MSRB3: variants seen among roughly 807,000 people sequenced by gnomAD.
MSRB3 encodes methionine-R-sulfoxide reductase B3.
MSRB3 carries 13 observed loss-of-function variants against 21.0 expected under a neutral mutation model. The ratio of observed to expected loss-of-function variants is 0.62; its 90% CI spans 0.40 to 0.98. The LOEUF (loss-of-function observed/expected upper bound fraction) is 0.98, where lower values mean the gene tolerates loss of function less well. MSRB3 is among the 50% of genes least tolerant of loss of function. The pLI is 0.00. For missense variants in MSRB3, 199 were observed against 230.3 expected (o/e 0.86, Z 0.88); for synonymous variants, 87 against 88.6 (o/e 0.98, Z 0.10).
intron 4 of MSRB3, among the ~76,000 whole-genome samples, chr12:65,338,620 G>A (rs1209531010): frequency 6.6e-6 from 1 of 152,016 alleles, no homozygotes; most frequent in African/African-American, 2.4e-5. Flanking sequence ...ATTCATAGTC[G>A]AGCCTTTTTA....
At chr12:65,448,190 G>T (rs770576836) in intron 5 of MSRB3, among the ~76,000 whole-genome samples, 2 of 152,104 alleles carry the variant, frequency 1.3e-5, no homozygotes, top group African/African-American at 2.4e-5. Context: ...TTACAGAGTG[G>T]GGAGCTGAAT....
intron 4 of MSRB3, among the ~76,000 whole-genome samples, chr12:65,367,278 A>G (rs1878065539): frequency 6.6e-6 from 1 of 152,232 alleles, no homozygotes; most frequent in Non-Finnish European, 1.5e-5. Flanking sequence ...TTTAAAAACA[A>G]TTCTGGAGCA....
chr12:65,448,579 G>A (rs1317850641), intron 5 of MSRB3, among the ~76,000 whole-genome samples: 1 of 152,142 alleles, frequency 6.6e-6, no homozygotes, highest in Non-Finnish European at 1.5e-5. Flanking sequence ...AAATCTTGGT[G>A]GAAATGTTCC....
At chr12:65,346,900 A>T (rs919561879) in intron 4 of MSRB3, among the ~76,000 whole-genome samples, 1 of 152,050 alleles carries the variant, frequency 6.6e-6, no homozygotes, top group Non-Finnish European at 1.5e-5. Flanking sequence ...AGCTGTAGAT[A>T]TGCAGCATTA....
chr12:65,320,693 C>G (rs1874607282), intron 2 of MSRB3, among the ~76,000 whole-genome samples: 1 of 152,144 alleles, frequency 6.6e-6, no homozygotes, highest in Non-Finnish European at 1.5e-5. Context: ...TTTCCGAGAG[C>G]TATTTTGAGG....
chr12:65,288,806 T>C (rs1472204779), intron 1 of MSRB3, among the ~76,000 whole-genome samples: 2 of 152,260 alleles, frequency 1.3e-5, no homozygotes, highest in Middle Eastern at 3.4e-3. Context: ...TAATCTGGTC[T>C]TATTTTTAAA....
At chr12:65,410,019 T>A (rs569527604) in intron 5 of MSRB3, among the ~76,000 whole-genome samples, 35 of 152,306 alleles carry the variant, frequency 2.3e-4, no homozygotes, top group African/African-American at 7.5e-4. Flanking sequence ...TATTGAATAT[T>A]TTCATTCTTT....
At chr12:65,454,229 A>G (rs963424774) in intron 6 of MSRB3, 11 of 393,924 alleles carry the variant, frequency 2.8e-5, no homozygotes, top group Non-Finnish European at 1.4e-5. Context: ...TCGAGGCTGC[A>G]GTGAGCTGTG....
chr12:65,454,370 C>A (rs1882998403), intron 6 of MSRB3: 1 of 152,006 alleles, frequency 6.6e-6, no homozygotes, highest in African/African-American at 2.4e-5. Flanking sequence ...TAAACAAAAT[C>A]ATTGGTAGGA....
intron 4 of MSRB3, among the ~76,000 whole-genome samples, chr12:65,363,358 C>T (rs1336619930): frequency 1.3e-5 from 2 of 152,190 alleles, no homozygotes; most frequent in Admixed American, 1.3e-4. Context: ...CTGGGCTATT[C>T]TCTGCAAGGA....
At chr12:65,422,945 G>A (rs1881396226) in intron 5 of MSRB3, among the ~76,000 whole-genome samples, 1 of 147,226 alleles carries the variant, frequency 6.8e-6, no homozygotes, top group Non-Finnish European at 1.5e-5. Context: ...GTTTTTGGTG[G>A]CATCTTTAGG....
chr12:65,391,882 T>A (rs1879502388), intron 5 of MSRB3, among the ~76,000 whole-genome samples: 1 of 151,552 alleles, frequency 6.6e-6, no homozygotes, highest in Non-Finnish European at 1.5e-5. Flanking sequence ...AATGGGAGAG[T>A]GTCCCAGGAA....
chr12:65,360,652 G>A (rs1249749045), intron 4 of MSRB3, among the ~76,000 whole-genome samples: 1 of 151,986 alleles, frequency 6.6e-6, no homozygotes, highest in Non-Finnish European at 1.5e-5. Context: ...AAAAAAGTAG[G>A]TAATTTACCT....
Position 65,369,306 on chromosome 12 carries a change from A to G in MSRB3, c.292+280A>G, listed in dbSNP as rs566288525. Reference sequence around the variant, plus strand: ...TGGGGGTTATACATACTAATTGCTCAAAGTAGATTATTATTTTCTCAGTGG... The same window carrying G: ...TGGGGGTTATACATACTAATTGCTCGAAGTAGATTATTATTTTCTCAGTGG... On this transcript the variant is annotated intron_variant, in intron 5 of 6. Transcript: ENST00000308259. 2.6e-5 allele frequency among the ~76,000 whole-genome samples: 4 copies of G among 152,276 alleles called. No individual in the cohort carries two copies. In the East Asian group the frequency reaches 5.8e-4, roughly 22 times the overall value.
intron 4 of MSRB3, among the ~76,000 whole-genome samples, chr12:65,351,721 G>T (rs1877009409): frequency 6.6e-6 from 1 of 150,664 alleles, no homozygotes; most frequent in Non-Finnish European, 1.5e-5. Flanking sequence ...AGAAGAAATG[G>T]ATAAATTCCT....
At chr12:65,447,656 G>A (rs915621199) in intron 5 of MSRB3, among the ~76,000 whole-genome samples, 2 of 152,170 alleles carry the variant, frequency 1.3e-5, no homozygotes, top group Non-Finnish European at 2.9e-5. Context: ...GTGAGTAATT[G>A]TCTTTGGAGT....
At chr12:65,462,856 G>C (rs1424343173) in intron 6 of MSRB3, among the ~76,000 whole-genome samples, 1 of 152,202 alleles carries the variant, frequency 6.6e-6, no homozygotes, top group African/African-American at 2.4e-5. Flanking sequence ...GGGTCAACTT[G>C]ATTCATAAAA....
intron 1 of MSRB3, among the ~76,000 whole-genome samples, chr12:65,305,425 A>T (rs142403507): frequency 6.8e-4 from 103 of 152,282 alleles, no homozygotes; most frequent in African/African-American, 2.4e-3. Flanking sequence ...GGAAACATGG[A>T]ATCAGAGTAT....
At chr12:65,279,197 G>A in intron 1 of MSRB3, 1 of 589,672 alleles carries the variant, frequency 1.7e-6, no homozygotes, top group African/African-American at 2.0e-5. Context: ...CCAGGAGAGA[G>A]GGATCTGGCG....
Sources: allele counts gnomAD v4.1 joint callset (sites outside exome capture counted in the v4.1 genomes callset), GRCh38; gene constraint gnomAD v4.1.1; transcripts MANE v1.5; gene names NCBI Gene and HGNC (gene_info 2026-07-23, HGNC 2026-07-21).